Variants in SNN observed in about 807,000 individuals in gnomAD.
SNN encodes the protein stannin, also known as AG8_1.
SNN carries 5 observed loss-of-function variants against 5.3 expected under a neutral mutation model. The observed-to-expected ratio is 0.94, with a 90% confidence interval of 0.49 to 1.97. SNN has a LOEUF of 1.97. Among genes scored for constraint, SNN ranks in the 30% most tolerant of loss-of-function variants. The pLI is 0.01. For missense variants in SNN, 127 were observed against 121.6 expected (o/e 1.04, Z -0.21); for synonymous variants, 67 against 52.1 (o/e 1.29, Z -1.24).
At chr16:11,669,240 G>GAACCGCGCCTGC (rs969241122) in intron 1 of SNN, among the ~76,000 whole-genome samples, 1 of 152,174 alleles carries the variant, frequency 6.6e-6, no homozygotes, top group African/African-American at 2.4e-5. Context: ...AGCGCGCCTG[G>GAACCGCGCCTGC]CACCGCGCCT....
Position 11,676,345 on chromosome 16 carries a change from T to C in SNN, c.*19T>C. The C allele has an allele frequency of 6.2e-7, 1 of 1,603,642 alleles. No individual in the cohort carries two copies. Among genetic ancestry groups the C allele is most frequent in the South Asian group, 1.1e-5 (1 of 90,780 alleles). Reference sequence around the variant, plus strand: ...CGGCTGAGCCAGGATGCAAGGCTCCTGGTCCTGTTTGCAGCCGGCCAAGAG... The same window carrying C: ...CGGCTGAGCCAGGATGCAAGGCTCCCGGTCCTGTTTGCAGCCGGCCAAGAG... On this transcript the variant is annotated 3_prime_UTR_variant, in exon 2 of 2. Coordinates refer to ENST00000329565, the MANE Select transcript of SNN (RefSeq NM_003498.6).
rs117028886 is a variant in SNN, at chr16:11,670,593, C to T, written c.-86+2053C>T. ...TTTGTTTTCACTTTTCTTACCACTT[C>T]TCATCCTCCCCACGACCTGGTAGAT... is the stretch of plus-strand genomic sequence containing the variant. On this transcript the variant is annotated intron_variant, in intron 1 of 1. Transcript: ENST00000329565. 6.7e-4 allele frequency among the ~76,000 whole-genome samples: 102 copies of T among 152,330 alleles called. 2 individuals are homozygous for T. The East Asian group carries it at 0.017, about 25-fold the overall frequency.
chr16:11,669,862 T>A (rs528448039), intron 1 of SNN, among the ~76,000 whole-genome samples: 83 of 152,310 alleles, frequency 5.4e-4, no homozygotes, highest in African/African-American at 1.9e-3. Flanking sequence ...ACCTAGGGGA[T>A]TCTGGAGCGA....
intron 1 of SNN, among the ~76,000 whole-genome samples, chr16:11,675,106 G>A (rs1029294702): frequency 1.3e-5 from 2 of 152,038 alleles, no homozygotes; most frequent in Admixed American, 6.5e-5. Context: ...GCGTTCCAGG[G>A]GTCTTCCCAG....
intron 1 of SNN, among the ~76,000 whole-genome samples, chr16:11,675,131 C>G (rs2050290522): frequency 6.6e-6 from 1 of 152,102 alleles, no homozygotes; most frequent in Non-Finnish European, 1.5e-5. Context: ...GATGCAGTGC[C>G]TGGTGACAAA....
At chr16:11,669,192 C>G (rs2050249494) in intron 1 of SNN, among the ~76,000 whole-genome samples, 1 of 152,180 alleles carries the variant, frequency 6.6e-6, no homozygotes, top group Admixed American at 6.5e-5. Flanking sequence ...GGGGAGACGC[C>G]GGCGCCGCCG....
chr16:11,676,110 C>G lies in SNN; in HGVS notation c.51C>G (p.Val17=). 7 of 1,613,974 alleles carry G rather than the reference C, an allele frequency of 4.3e-6. No individual in the cohort carries two copies. The highest frequency in any genetic ancestry group is 5.9e-6 in the Non-Finnish European group (7 of 1,179,924). Residue 17 remains valine (V), a synonymous_variant, in exon 2 of 2, where the codon GTC becomes GTG. Coordinates refer to ENST00000329565, the MANE Select transcript of SNN (RefSeq NM_003498.6). The part of the protein sequence containing the change: ...SPTTGVVTVI[V]ILIAIAALGA... Reference sequence around the variant, plus strand: ...CCACGGGCGTGGTCACAGTCATCGTCATCCTCATTGCCATCGCGGCCCTGG... The same window carrying G: ...CCACGGGCGTGGTCACAGTCATCGTGATCCTCATTGCCATCGCGGCCCTGG...
rs1276417688 is a variant in SNN at position 11,668,689 on chromosome 16, C to T, written c.-86+149C>T. 1 of 141,698 alleles carries T rather than the reference C, an allele frequency of 7.1e-6. No homozygotes were observed. Among genetic ancestry groups the T allele is most frequent in the African/African-American group, 2.6e-5 (1 of 38,744 alleles). 8.8% of individuals were successfully genotyped at this position (141,698 alleles called of 1,614,324 possible). ...GGCGGGGGAGGGGCGGCCCGGCGGG[C>T]GCGGCTCGGGGGAGGGTCCGTTCCA... On this transcript the variant is annotated intron_variant, in intron 1 of 1. Transcript: ENST00000329565. The surrounding 1 kb of genome is among the most constrained non-coding windows in gnomAD (Gnocchi z 6.8).
rs1403158773 is a variant in SNN, at chr16:11,675,091, G to A, written c.-85-884G>A. On this transcript the variant is annotated intron_variant, in intron 1 of 1. Coordinates refer to ENST00000329565, the MANE Select transcript of SNN (RefSeq NM_003498.6). ...CCGCCCAGCTTCCTTCTCAGATGGT[G>A]TGCCGCGTTCCAGGGGTCTTCCCAG... Among the ~76,000 whole-genome samples the A allele has an allele frequency of 2.0e-5, 3 of 152,210 alleles. No homozygotes were observed. In the South Asian group the frequency reaches 6.2e-4, roughly 32 times the overall value.
intron 1 of SNN, among the ~76,000 whole-genome samples, chr16:11,673,515 G>T (rs2050279261): frequency 6.6e-6 from 1 of 152,210 alleles, no homozygotes; most frequent in South Asian, 2.1e-4. Flanking sequence ...CCATCTGCGT[G>T]GTGGGGGCTG....
At chr16:11,670,174 G>A (rs1168180505) in intron 1 of SNN, among the ~76,000 whole-genome samples, 6 of 152,096 alleles carry the variant, frequency 3.9e-5, no homozygotes, top group East Asian at 3.9e-4. Context: ...TTTGTGACCC[G>A]GGGTTCGCTG....
At chr16:11,673,522 G>T (rs1345247797) in intron 1 of SNN, among the ~76,000 whole-genome samples, 5 of 152,214 alleles carry the variant, frequency 3.3e-5, no homozygotes, top group Non-Finnish European at 5.9e-5. Flanking sequence ...CGTGGTGGGG[G>T]CTGCCCTGTG....
At chr16:11,670,552 G>C (rs1358510681) in intron 1 of SNN, among the ~76,000 whole-genome samples, 1 of 152,202 alleles carries the variant, frequency 6.6e-6, no homozygotes, top group African/African-American at 2.4e-5. Flanking sequence ...TGCAAACCTG[G>C]TGACCTCATG....
chr16:11,674,258 T>C (rs2050284313), intron 1 of SNN, among the ~76,000 whole-genome samples: 1 of 148,908 alleles, frequency 6.7e-6, no homozygotes, highest in African/African-American at 2.5e-5. Flanking sequence ...GTAGAACGCG[T>C]CTCGGGCCTG....
rs1324526727 is a variant in SNN at position 11,668,705 on chromosome 16, G to T, written c.-86+165G>T. Among the ~76,000 whole-genome samples, 1 of 146,680 alleles carries T rather than the reference G, an allele frequency of 6.8e-6. No individual in the cohort carries two copies. Among genetic ancestry groups the T allele is most frequent in the African/African-American group, 2.5e-5 (1 of 40,426 alleles). On this transcript the variant is annotated intron_variant, in intron 1 of 1. Coordinates refer to ENST00000329565, the MANE Select transcript of SNN (RefSeq NM_003498.6). The surrounding 1 kb of genome is among the most constrained non-coding windows in gnomAD (Gnocchi z 6.8). ...CCCGGCGGGCGCGGCTCGGGGGAGG[G>T]TCCGTTCCAGGGGCCGCGCCCGCGG...
rs971656847 is a variant in SNN, at chr16:11,671,725, C to T, written c.-86+3185C>T. 2.0e-5 allele frequency among the ~76,000 whole-genome samples: 3 copies of T among 152,244 alleles called. No individual in the cohort carries two copies. The highest frequency in any genetic ancestry group is 4.4e-5 in the Non-Finnish European group (3 of 68,018). On this transcript the variant is annotated intron_variant, in intron 1 of 1. Transcript: ENST00000329565. The surrounding 1 kb of genome is among the most constrained non-coding windows in gnomAD (Gnocchi z 4.7). ...TCCTGTGGGCTTTACTGGATCAGGG[C>T]GAGGGGTTACCCAGCTTGCAAGACA...
chr16:11,673,021 T>G (rs1459888288), intron 1 of SNN, among the ~76,000 whole-genome samples: 1 of 152,164 alleles, frequency 6.6e-6, no homozygotes, highest in Non-Finnish European at 1.5e-5. Flanking sequence ...CTTGTCTTCC[T>G]GTCCAGAAAC....
chr16:11,673,130 T>C (rs8191297), intron 1 of SNN, among the ~76,000 whole-genome samples: 87,437 of 151,754 alleles, frequency 0.58, 25,903 homozygotes, highest in African/African-American at 0.69. Context: ...GGTGTTCTTC[T>C]TGCAGGGAGA....
chr16:11,671,670 C>G lies in SNN; in HGVS notation c.-86+3130C>G, dbSNP rs8191287. 0.028 allele frequency among the ~76,000 whole-genome samples: 4,328 copies of G among 152,236 alleles called. 211 individuals are homozygous for G. The highest frequency in any genetic ancestry group is 0.099 in the African/African-American group (4,122 of 41,520). The stretch of plus-strand genomic sequence containing the variant: ...GTGCCAGCCTGGGCATCTCCCCAAC[C>G]CAAGCTGTGGCCCGTCCCTGTCCCC... On this transcript the variant is annotated intron_variant, in intron 1 of 1. Coordinates refer to ENST00000329565, the MANE Select transcript of SNN (RefSeq NM_003498.6). This position sits in a 1 kb window ranked among gnomAD's most constrained non-coding sequence, Gnocchi z 4.7.
Sources: gnomAD v4.1 joint callset for allele counts (sites outside exome capture counted in the v4.1 genomes callset) on GRCh38, gnomAD v4.1.1 for gene constraint, Gnocchi (gnomAD v3.1) non-coding constraint, MANE v1.5 for transcripts, NCBI Gene and HGNC (gene_info 2026-07-23, HGNC 2026-07-21) for gene names.